FTSJ3: variants seen among roughly 807,000 people sequenced by gnomAD.
FTSJ3 encodes pre-rRNA 2'-O-ribose RNA methyltransferase FTSJ3.
Under a neutral mutation model 111.5 loss-of-function variants are expected in FTSJ3, and 46 were observed. The ratio of observed to expected loss-of-function variants is 0.41; its 90% CI spans 0.33 to 0.53. FTSJ3 has a LOEUF of 0.53. Among genes scored for constraint, FTSJ3 ranks in the 20% least tolerant of loss-of-function variants. The pLI is 0.19. For missense variants in FTSJ3, 1,075 were observed against 1,063.8 expected, an observed-to-expected ratio of 1.01 and a Z score of -0.15; for synonymous variants, 408 against 383.0, an observed-to-expected ratio of 1.07 and a Z score of -0.76.
intron 13 of FTSJ3, chr17:63,823,537 G>A (rs2040069303): frequency 3.4e-6 from 1 of 298,072 alleles, no homozygotes; most frequent in Non-Finnish European, 6.3e-6. Flanking sequence ...GGAGCTTGCA[G>A]TGGGCCGAGA....
chr17:63,821,395 G>C lies in FTSJ3; in HGVS notation c.1845C>G (p.Ile615Met). ...TGCTAGTACTGCTATCACTGTCTGA[G>C]ATGCCATCCTTTTCTTCCCCTTCAA... ...TGLEGEEKDGISDSDSSTSSE... is the reference protein window; with the variant it reads ...TGLEGEEKDGMSDSDSSTSSE... Residue 615 changes from isoleucine (I) to methionine (M), a missense_variant, in exon 16 of 21, where the codon ATC (isoleucine) becomes ATG (methionine). Physicochemically the swap from Ile to Met is conservative, Grantham distance 10. This residue lies in a region of FTSJ3 where 867 missense variants were observed against 796.9 expected (regional missense o/e 1.09). Transcript: ENST00000427159. The C allele has an allele frequency of 6.2e-7, 1 of 1,613,872 alleles. No individual in the cohort carries two copies. The highest frequency in any genetic ancestry group is 8.5e-7 in the Non-Finnish European group (1 of 1,180,034).
chr17:63,823,750 C>T (rs1598349946), intron 13 of FTSJ3, 67 bp downstream of exon 13: 3 of 1,554,570 alleles, frequency 1.9e-6, no homozygotes, highest in South Asian at 2.4e-5. Flanking sequence ...CATTCAACAC[C>T]CCCCACCTCC....
chr17:63,820,966 C>T, intron 17 of FTSJ3, 28 bp from the exon 18 acceptor site: 1 of 1,611,174 alleles, frequency 6.2e-7, no homozygotes, highest in Non-Finnish European at 8.5e-7. Context: ...AAGGTCAAAG[C>T]TCAATTCCCA....
In FTSJ3 at chr17:63,821,617, A is replaced by G; in HGVS notation, c.1623T>C (p.Asp541=). Reference sequence around the variant, plus strand: ...GACTGATCTCCAGGGCCTCATCGGCATCGTCCTCGATCCCAGCAAAGCTGC... The same window carrying G: ...GACTGATCTCCAGGGCCTCATCGGCGTCGTCCTCGATCCCAGCAAAGCTGC... ...SKGSFAGIED[D]ADEALEISQA... is the part of the protein sequence containing the mutation. Residue 541 remains aspartate, a synonymous_variant, in exon 16 of 21, where the codon GAT becomes GAC. Transcript: ENST00000427159. 1 of 1,613,204 alleles carries G rather than the reference A, an allele frequency of 6.2e-7. No homozygotes were observed. The highest frequency in any genetic ancestry group is 8.5e-7 in the Non-Finnish European group (1 of 1,179,208).
In FTSJ3 at chr17:63,821,561, T is replaced by G. The variant is rs766652641; in HGVS notation, c.1679A>C (p.Lys560Thr). The change falls in exon 16 of 21, where the codon AAG becomes ACG. Residue 560 changes from lysine (K) to threonine (T), a missense_variant. Lys to Thr is a moderately conservative substitution (Grantham distance 78). Transcript: ENST00000427159. ...CTGCTTCTGCTGCTGCTGCCGTCCC[T>G]TCCGCCGGTTCTCAAATAACAGCTG... is the stretch of plus-strand genomic sequence containing the variant. ...QAQLLFENRR[K>T]GRQQQQKQQL... is the part of the protein sequence containing the mutation. 7 of 1,613,996 alleles carry G rather than the reference T, an allele frequency of 4.3e-6. No homozygotes were observed. The African/African-American group carries it at 8.0e-5, about 18-fold the overall frequency.
rs2144608014 is a variant in FTSJ3 at position 63,824,350 on chromosome 17, C to T, written c.979G>A (p.Ala327Thr). The change falls in exon 11 of 21, where the codon GCA (alanine) becomes ACA (threonine). Residue 327 changes from alanine to threonine, a missense_variant. Ala to Thr is a moderately conservative substitution (Grantham distance 58). Around this residue, in one of 2 missense-constraint regions of FTSJ3, gnomAD observed 867 missense variants for 796.9 expected, o/e 1.09. Coordinates refer to ENST00000427159, the MANE Select transcript of FTSJ3 (RefSeq NM_017647.4). The part of the protein sequence containing the change: ...RYVAKKLKEQ[A>T]KALDISLSSG... ...CCTCACCTGATGTCCAGTGCCTTTG[C>T]TTGTTCTTTCAGCTTCTTGGCCACA... 1.2e-6 allele frequency: 2 copies of T among 1,614,208 alleles called. No homozygotes were observed. Among genetic ancestry groups the T allele is most frequent in the Non-Finnish European group, 1.7e-6 (2 of 1,180,028 alleles).
intron 17 of FTSJ3, 36 bp downstream of exon 17, chr17:63,820,994 G>C (rs1288895933): frequency 1.2e-6 from 2 of 1,608,658 alleles, no homozygotes; most frequent in Non-Finnish European, 1.7e-6. Context: ...GACTTCCAGT[G>C]GTCTTTTCTC....
Position 63,823,811 on chromosome 17 carries a change from C to T in FTSJ3, c.1290+6G>A. 6.2e-7 allele frequency: 1 copy of T among 1,613,748 alleles called. No individual in the cohort carries two copies. Among genetic ancestry groups the T allele is most frequent in the East Asian group, 2.2e-5 (1 of 44,878 alleles). ...TCCTAAACCTGCACCCCCAATGCCG[C>T]CTCACCTGGTGACCCCGGATGGTGC... On this transcript the variant is annotated splice_donor_region_variant and intron_variant, in intron 13 of 20. Coordinates refer to ENST00000427159, the MANE Select transcript of FTSJ3 (RefSeq NM_017647.4).
intron 13 of FTSJ3, among the ~76,000 whole-genome samples, 180 bp from the exon 14 acceptor site, chr17:63,822,348 G>C (rs1026638882): frequency 6.6e-6 from 1 of 151,920 alleles, no homozygotes; most frequent in African/African-American, 2.4e-5. Context: ...ACAACATCCC[G>C]TTCTAGGCTG....
Position 63,821,607 on chromosome 17 carries a change from C to T in FTSJ3, c.1633G>A (p.Ala545Thr), listed in dbSNP as rs930358885. 1.9e-6 allele frequency: 3 copies of T among 1,613,500 alleles called. No homozygotes were observed. The African/African-American group carries it at 4.0e-5, about 22-fold the overall frequency. ...AGCTGGGCCTGACTGATCTCCAGGG[C>T]CTCATCGGCATCGTCCTCGATCCCA... Reference protein sequence around the residue: ...FAGIEDDADEALEISQAQLLF... With the variant: ...FAGIEDDADETLEISQAQLLF... Residue 545 changes from alanine (A) to threonine (T), a missense_variant, in exon 16 of 21, where the codon GCC (alanine) becomes ACC (threonine). This residue lies in a region of FTSJ3 where 867 missense variants were observed against 796.9 expected (regional missense o/e 1.09). Coordinates refer to ENST00000427159, the MANE Select transcript of FTSJ3 (RefSeq NM_017647.4).
In FTSJ3 at chr17:63,827,552, G is replaced by A; in HGVS notation, c.-527C>T. 1 of 1,551,590 alleles carries A rather than the reference G, an allele frequency of 6.4e-7. No homozygotes were observed. The highest frequency in any genetic ancestry group is 8.7e-7 in the Non-Finnish European group (1 of 1,146,954). ...CAGTGGCGGCCCGGCAGGTTACGGG[G>A]CTGGGTGCGGAGCGAGCGTGATCTG... On this transcript the variant is annotated 5_prime_UTR_variant, in exon 1 of 21. Coordinates refer to ENST00000427159, the MANE Select transcript of FTSJ3 (RefSeq NM_017647.4).
rs1230195948 is a variant in FTSJ3, at chr17:63,826,672, C to G, written c.68G>C (p.Gly23Ala). The change falls in exon 3 of 21, where the codon GGT becomes GCT. Residue 23 changes from glycine (G) to alanine (A), a missense_variant and splice_region_variant. Gly to Ala is a moderately conservative substitution (Grantham distance 60). This residue lies in a region of FTSJ3 where 208 missense variants were observed against 266.9 expected (regional missense o/e 0.78). Transcript: ENST00000427159. ...DKFYHLAKETGYRSRSAFKLI... is the reference protein window; with the variant it reads ...DKFYHLAKETAYRSRSAFKLI... ...CTTGAAAGCAGATCGGGAACGGTAA[C>G]CTGGACAAAACAACCAAGTGCGCAA... The G allele has an allele frequency of 6.2e-7, 1 of 1,613,296 alleles. No homozygotes were observed. Among genetic ancestry groups the G allele is most frequent in the Non-Finnish European group, 8.5e-7 (1 of 1,179,410 alleles).
intron 3 of FTSJ3, 103 bp downstream of exon 3, chr17:63,826,464 G>A: frequency 1.7e-6 from 2 of 1,204,918 alleles, no homozygotes; most frequent in Non-Finnish European, 2.4e-6. Flanking sequence ...GCCCCCAAGA[G>A]GACCGGGATT....
chr17:63,822,351 C>A (rs574559249), intron 13 of FTSJ3, among the ~76,000 whole-genome samples, 183 bp from the exon 14 acceptor site: 141 of 152,160 alleles, frequency 9.3e-4, no homozygotes, highest in African/African-American at 3.1e-3. Context: ...ACATCCCGTT[C>A]TAGGCTGGGT....
At position 63,821,357 on chromosome 17, in the gene FTSJ3, T is replaced by G. The variant is rs200943728; in HGVS notation, c.1883A>C (p.Glu628Ala). Residue 628 changes from glutamate to alanine, a missense_variant, in exon 16 of 21, where the codon GAG (glutamate) becomes GCG (alanine). Around this residue, in one of 2 missense-constraint regions of FTSJ3, gnomAD observed 867 missense variants for 796.9 expected, o/e 1.09. Transcript: ENST00000427159. ...TCTCTCAGCTGCAACTACTCACCTC[T>G]CTTCTTCCTCACTGCTAGTACTGCT... ...SDSSTSSEEE[E>A]SWEPLRGKKR... The G allele has an allele frequency of 5.5e-5, 88 of 1,603,910 alleles. No homozygotes were observed. In the Admixed American group the frequency reaches 1.4e-3, roughly 26 times the overall value.
intron 3 of FTSJ3, 34 bp downstream of exon 3, chr17:63,826,533 C>A: frequency 1.9e-6 from 3 of 1,553,884 alleles, no homozygotes; most frequent in Non-Finnish European, 2.7e-6. Flanking sequence ...CAGAAAGCGG[C>A]CACCAGGAGC....
intron 13 of FTSJ3, 104 bp downstream of exon 13, chr17:63,823,713 A>T: frequency 7.6e-7 from 1 of 1,311,636 alleles, no homozygotes; most frequent in Non-Finnish European, 1.1e-6. Context: ...CAGCAACCAC[A>T]GCCTATCGTT....
chr17:63,827,654 G>C lies in FTSJ3; in HGVS notation c.-629C>G, dbSNP rs1196135840. Reference sequence around the variant, plus strand: ...CCAGTCCATGCTGGACGCTGCCTGCGACCGGATCTGCTGTGTCAGCGCCGC... The same window carrying C: ...CCAGTCCATGCTGGACGCTGCCTGCCACCGGATCTGCTGTGTCAGCGCCGC... On this transcript the variant is annotated 5_prime_UTR_variant, in exon 1 of 21. Transcript: ENST00000427159. The C allele has an allele frequency of 4.6e-6, 7 of 1,505,510 alleles. No individual in the cohort carries two copies. Among genetic ancestry groups the C allele is most frequent in the African/African-American group, 1.4e-5 (1 of 71,906 alleles). The allele number at this position is 1,505,510 out of a possible 1,614,324, so 93.3% of individuals were successfully genotyped here.
rs1007973630 is a variant in FTSJ3 at position 63,825,715 on chromosome 17, C to T, written c.301-80G>A. 29 of 1,309,668 alleles carry T rather than the reference C, an allele frequency of 2.2e-5. No homozygotes were observed. In the Admixed American group the frequency reaches 5.2e-4, roughly 24 times the overall value. 81.1% of individuals were successfully genotyped at this position (1,309,668 alleles called of 1,614,324 possible). ...AGCCATTTGTCCATCTAGTCATTTG[C>T]TGAGTGCCCATCATGGGCCAAATGC... On this transcript the variant is annotated intron_variant, in intron 5 of 20. Coordinates refer to ENST00000427159, the MANE Select transcript of FTSJ3 (RefSeq NM_017647.4).
Sources: gnomAD v4.1 joint callset for allele counts (sites outside exome capture counted in the v4.1 genomes callset) on GRCh38, gnomAD v4.1.1 for gene constraint, gnomAD v4.1.1 regional missense constraint, MANE v1.5 for transcripts, NCBI Gene and HGNC (gene_info 2026-07-23, HGNC 2026-07-21) for gene names.